Variants in NPIPB9 observed in about 807,000 individuals in gnomAD.
The protein encoded by NPIPB9 is nuclear pore complex interacting protein family member B9, also known as nuclear pore complex-interacting protein family member B9.
Under a neutral mutation model 5.6 loss-of-function variants are expected in NPIPB9, and 1 was observed. The observed-to-expected ratio is 0.18, with a 90% CI of 0.06 to 0.84. NPIPB9 has a LOEUF of 0.84. NPIPB9 is among the 40% of genes least tolerant of loss of function. The pLI is 0.70. For missense variants in NPIPB9, 3 were observed against 39.1 expected, an observed-to-expected ratio of 0.08 and a Z score of 2.46; for synonymous variants, 2 against 12.5, an observed-to-expected ratio of 0.16 and a Z score of 1.77.
chr16:28,754,871 A>G (rs533363399), intron 1 of NPIPB9, among the ~76,000 whole-genome samples: 1 of 141,314 alleles, frequency 7.1e-6, no homozygotes, highest in East Asian at 2.1e-4. Context: ...CAGAAAAAGC[A>G]GTTTGGTCGG....
chr16:28,765,214 CT>C (rs2049127920), intron 3 of NPIPB9, among the ~76,000 whole-genome samples: 1 of 17,548 alleles, frequency 5.7e-5, no homozygotes, highest in Admixed American at 4.9e-4. Context: ...AGCAGTTCTC[CT>C]GCCTCAGCCT....
intron 1 of NPIPB9, among the ~76,000 whole-genome samples, chr16:28,753,464 G>A (rs1179460505): frequency 5.0e-5 from 3 of 60,338 alleles, no homozygotes; most frequent in South Asian, 7.5e-4. Context: ...CTTTTAAAAT[G>A]ATAATCTCAA....
intron 2 of NPIPB9, among the ~76,000 whole-genome samples, chr16:28,759,564 T>A (rs2049009174): frequency 1.3e-4 from 1 of 7,632 alleles, no homozygotes; most frequent in Non-Finnish European, 2.5e-4. Context: ...AGTTTCTCCC[T>A]TGTTGCCCAG....
intron 1 of NPIPB9, among the ~76,000 whole-genome samples, chr16:28,755,235 CT>C (rs1178559017): frequency 1.1e-5 from 1 of 93,896 alleles, no homozygotes; most frequent in Non-Finnish European, 2.2e-5. Flanking sequence ...CTGATTCTTC[CT>C]CTTTGTTCCA....
rs1196294139 is a variant in NPIPB9, at chr16:28,760,583, C to T, written c.112-1668C>T. 5.0e-5 allele frequency among the ~76,000 whole-genome samples: 2 copies of T among 39,780 alleles called. 1 individual carries two copies. Among genetic ancestry groups the T allele is most frequent in the Non-Finnish European group, 8.5e-5 (2 of 23,550 alleles). 26.1% of individuals were successfully genotyped at this position (39,780 alleles called of 152,430 possible). A position where few individuals can be genotyped will look rare whatever the true frequency, so the allele number is the denominator to read the frequency against. On this transcript the variant is annotated intron_variant, in intron 2 of 7. Transcript: ENST00000550983. ...TCGTGGTCCACCCACCTCGGCTTCC[C>T]AAAGTGCTGAGATTGCAGGCGTGAG...
chr16:28,758,626 T>TC, intron 2 of NPIPB9: 1 of 285,496 alleles, frequency 3.5e-6, no homozygotes, highest in South Asian at 2.0e-5. Flanking sequence ...CCGGTCCCCG[T>TC]CCCCTTCCCT....
chr16:28,765,726 TG>T (rs2049161649), intron 3 of NPIPB9, among the ~76,000 whole-genome samples: 1 of 33,008 alleles, frequency 3.0e-5, no homozygotes, highest in African/African-American at 1.2e-4. Flanking sequence ...CATTCTTGTG[TG>T]TGTGTGTGTG....
In NPIPB9 at chr16:28,767,221, A is replaced by T. The variant is rs551779937; in HGVS notation, c.590+732A>T. On this transcript the variant is annotated intron_variant, in intron 5 of 7. Coordinates refer to ENST00000550983, the Ensembl canonical transcript of NPIPB9. ...TTTTTTTTTTTTTTTTTTGAGACAGAGTCTCACTCTGTCACCCAGGCTAGA... is the reference window on the plus strand; with the variant it reads ...TTTTTTTTTTTTTTTTTTGAGACAGTGTCTCACTCTGTCACCCAGGCTAGA... Among the ~76,000 whole-genome samples the T allele has an allele frequency of 8.6e-5, 7 of 81,320 alleles. 2 individuals are homozygous for T. Among genetic ancestry groups the T allele is most frequent in the Admixed American group, 1.4e-4 (1 of 7,042 alleles). The allele number at this position is 81,320 out of a possible 152,430, so 53.3% of individuals were successfully genotyped here.
chr16:28,765,109 T>C, intron 3 of NPIPB9, among the ~76,000 whole-genome samples: 1 of 59,924 alleles, frequency 1.7e-5, no homozygotes. Context: ...TCATTTTTTT[T>C]TTTTTTTTTT....
At chr16:28,765,343 T>A (rs2049132605) in intron 3 of NPIPB9, among the ~76,000 whole-genome samples, 1 of 23,286 alleles carries the variant, frequency 4.3e-5, no homozygotes, top group Non-Finnish European at 7.4e-5. Flanking sequence ...ACCTTGTGAT[T>A]CACCCGCCTC....
intron 3 of NPIPB9, among the ~76,000 whole-genome samples, chr16:28,765,722 TGTGTGTG>T: frequency 2.1e-4 from 1 of 4,656 alleles, no homozygotes; most frequent in South Asian, 0.015. Flanking sequence ...ATGTCATTCT[TGTGTGTG>T]TGTGTGTGTG....
At chr16:28,753,507 TACACACACACACACACACATACATAC>T (rs2048701632) in intron 1 of NPIPB9, among the ~76,000 whole-genome samples, 1 of 64,224 alleles carries the variant, frequency 1.6e-5, no homozygotes, top group Non-Finnish European at 3.3e-5. Context: ...TTTATATAGA[TACACACACACACACACACATACATAC>T]ACACACACAC....
At chr16:28,767,222 G>A (rs1371543690) in intron 5 of NPIPB9, among the ~76,000 whole-genome samples, 1 of 82,430 alleles carries the variant, frequency 1.2e-5, no homozygotes. Context: ...TTGAGACAGA[G>A]TCTCACTCTG....
At chr16:28,754,755 TGAC>T (rs1490891539) in intron 1 of NPIPB9, among the ~76,000 whole-genome samples, 18 of 139,428 alleles carry the variant, frequency 1.3e-4, no homozygotes, top group African/African-American at 4.5e-4. Flanking sequence ...TGATGGGAAA[TGAC>T]AGGAGGACTA....
At chr16:28,754,780 A>C (rs1484924949) in intron 1 of NPIPB9, among the ~76,000 whole-genome samples, 7 of 142,404 alleles carry the variant, frequency 4.9e-5, no homozygotes, top group Non-Finnish European at 1.1e-4. Context: ...GTCACCGCAG[A>C]TTTGCTTTAT....
chr16:28,767,258 T>C lies in NPIPB9; in HGVS notation c.590+769T>C, dbSNP rs571616746. 3.9e-5 allele frequency among the ~76,000 whole-genome samples: 4 copies of C among 102,656 alleles called. 2 individuals carry two copies. Among genetic ancestry groups the C allele is most frequent in the Non-Finnish European group, 8.6e-5 (4 of 46,576 alleles). 67.3% of individuals were successfully genotyped at this position (102,656 alleles called of 152,430 possible). A position where few individuals can be genotyped will look rare whatever the true frequency, so the allele number is the denominator to read the frequency against. Reference sequence around the variant, plus strand: ...TCACCCAGGCTAGAGTGCAGTGGCATGATCTTGGCTCACTGCAACCTCTGC... The same window carrying C: ...TCACCCAGGCTAGAGTGCAGTGGCACGATCTTGGCTCACTGCAACCTCTGC... On this transcript the variant is annotated intron_variant, in intron 5 of 7. Transcript: ENST00000550983.
intron 5 of NPIPB9, among the ~76,000 whole-genome samples, chr16:28,767,026 T>TC (rs2049245506): frequency 3.2e-5 from 1 of 31,518 alleles, no homozygotes; most frequent in South Asian, 4.5e-3. Context: ...ACACCCAGGC[T>TC]TTTTTTTTTT....
intron 5 of NPIPB9, among the ~76,000 whole-genome samples, chr16:28,769,829 C>A (rs1421024526): frequency 1.4e-5 from 2 of 145,264 alleles, no homozygotes; most frequent in South Asian, 2.3e-4. Context: ...TTCATACCAG[C>A]CATTCTAGGG....
At chr16:28,756,569 GT>G (rs2048832685) in intron 1 of NPIPB9, among the ~76,000 whole-genome samples, 1 of 66,498 alleles carries the variant, frequency 1.5e-5, no homozygotes, top group Non-Finnish European at 3.6e-5. Flanking sequence ...TGTTAACCCT[GT>G]TTTTTGTTTG....
Sources: allele counts gnomAD v4.1 joint callset (sites outside exome capture counted in the v4.1 genomes callset), GRCh38; gene constraint gnomAD v4.1.1; transcripts MANE v1.5; gene names NCBI Gene and HGNC (gene_info 2026-07-23, HGNC 2026-07-21).